The following TOM1 variants were observed in gnomAD, a reference collection of about 807,000 sequenced individuals.
The protein encoded by TOM1 is target of Myb protein 1.
In TOM1, 38 loss-of-function variants were observed where a neutral mutation model predicts 61.3. The observed-to-expected ratio is 0.62, with a 90% CI of 0.48 to 0.81. TOM1 has a LOEUF of 0.81. TOM1 is among the 40% of genes least tolerant of loss of function. The probability of loss-of-function intolerance (pLI) is 0.00; values close to 1 mark genes in which losing one functional copy is unlikely to be tolerated. For synonymous variants in TOM1, 270 were observed against 268.8 expected (o/e 1.00, Z -0.04); for missense variants, 591 against 659.6 (o/e 0.90, Z 1.14).
At chr22:35,335,987 A>C (rs939642522) in intron 11 of TOM1, among the ~76,000 whole-genome samples, 1 of 152,052 alleles carries the variant, frequency 6.6e-6, no homozygotes, top group Non-Finnish European at 1.5e-5. Flanking sequence ...TCACACAGGG[A>C]AGGGGGCAGG....
Position 35,317,922 on chromosome 22 carries a change from A to G in TOM1, c.98A>G (p.Asn33Ser). ...CTGCAGAGCGAGGACTGGGCCCTCAACATGGAGATCTGCGACATCATCAAC... is the reference window on the plus strand; with the variant it reads ...CTGCAGAGCGAGGACTGGGCCCTCAGCATGGAGATCTGCGACATCATCAAC... ...GSLQSEDWAL[N>S]MEICDIINET... The change falls in exon 2 of 15, where the codon AAC (asparagine) becomes AGC (serine). Residue 33 changes from asparagine (N) to serine (S), a missense_variant. Coordinates refer to ENST00000449058, the MANE Select transcript of TOM1 (RefSeq NM_005488.3). 6.2e-7 allele frequency: 1 copy of G among 1,614,162 alleles called. No homozygotes were observed. Among genetic ancestry groups the G allele is most frequent in the African/African-American group, 1.3e-5 (1 of 75,040 alleles).
intron 3 of TOM1, chr22:35,322,365 A>G (rs1397138971): frequency 6.3e-6 from 2 of 316,712 alleles, no homozygotes; most frequent in Non-Finnish European, 1.2e-5. Flanking sequence ...AGGCCGGCTG[A>G]CTGAGTTGGG....
chr22:35,333,523 C>G (rs1434117891), intron 10 of TOM1, 26 bp downstream of exon 10: 1 of 1,607,648 alleles, frequency 6.2e-7, no homozygotes. Context: ...AGGGCTCCAG[C>G]TGAGGGTACA....
intron 1 of TOM1, among the ~76,000 whole-genome samples, chr22:35,316,930 T>C (rs1298541214): frequency 6.6e-6 from 1 of 152,068 alleles, no homozygotes; most frequent in African/African-American, 2.4e-5. Flanking sequence ...GCTGGGTGGC[T>C]CGGCATCGGT....
Position 35,323,038 on chromosome 22 carries a change from C to G in TOM1, c.227C>G (p.Thr76Ser). ...CTCTCGGCCCTCCAGGTCTTAGAAA[C>G]CTGTGTCAAGAACTGCGGGCACCGC... ...EVMLALTVLE[T>S]CVKNCGHRFH... The change falls in exon 4 of 15, where the codon ACC (threonine) becomes AGC (serine). Residue 76 changes from threonine to serine, a missense_variant. Coordinates refer to ENST00000449058, the MANE Select transcript of TOM1 (RefSeq NM_005488.3). The surrounding 1 kb of genome is among the most constrained non-coding windows in gnomAD (Gnocchi z 4.2). 2 of 1,614,082 alleles carry G rather than the reference C, an allele frequency of 1.2e-6. No individual in the cohort carries two copies. Among genetic ancestry groups the G allele is most frequent in the Non-Finnish European group, 1.7e-6 (2 of 1,180,032 alleles).
chr22:35,335,868 G>A (rs1929273295), intron 11 of TOM1: 1 of 154,480 alleles, frequency 6.5e-6, no homozygotes, highest in Non-Finnish European at 1.5e-5. Context: ...CCAGGTGCTG[G>A]GTGATAGGAA....
At chr22:35,326,781 G>C (rs1392991331) in intron 6 of TOM1, among the ~76,000 whole-genome samples, 2 of 151,834 alleles carry the variant, frequency 1.3e-5, no homozygotes, top group African/African-American at 4.8e-5. Flanking sequence ...TCTAGGAGGA[G>C]AGAGGGTGGG....
chr22:35,323,537 T>C lies in TOM1; in HGVS notation c.408T>C (p.Gly136=), dbSNP rs1453164668. 6.2e-7 allele frequency: 1 copy of C among 1,614,060 alleles called. No individual in the cohort carries two copies. The highest frequency in any genetic ancestry group is 8.5e-7 in the Non-Finnish European group (1 of 1,180,004). The change falls in exon 5 of 15, where the codon GGT becomes GGC. Residue 136 remains glycine (G), a synonymous_variant. Coordinates refer to ENST00000449058, the MANE Select transcript of TOM1 (RefSeq NM_005488.3). This position sits in a 1 kb window ranked among gnomAD's most constrained non-coding sequence, Gnocchi z 4.2. ...TCCGCAGCTCGCCCGATCTGACAGG[T>C]GTGGTCACCATCTATGAGGACCTGC... is the stretch of plus-strand genomic sequence containing the variant. ...DAFRSSPDLT[G]VVTIYEDLRR... is the part of the protein sequence containing the mutation.
At chr22:35,340,127 G>T (rs942646214) in intron 12 of TOM1, among the ~76,000 whole-genome samples, 1 of 152,210 alleles carries the variant, frequency 6.6e-6, no homozygotes, top group Admixed American at 6.5e-5. Context: ...GAGAATTTCT[G>T]CTCCAGCAAG....
At chr22:35,300,067 G>C (rs1284141736) in intron 1 of TOM1, 87 bp downstream of exon 1, 4 of 1,455,506 alleles carry the variant, frequency 2.7e-6, no homozygotes, top group Middle Eastern at 1.9e-4. Context: ...GCCTAGTCAC[G>C]GAGGCAGGGA....
intron 12 of TOM1, among the ~76,000 whole-genome samples, chr22:35,339,812 G>T (rs1929720723): frequency 6.6e-6 from 1 of 151,718 alleles, no homozygotes; most frequent in African/African-American, 2.4e-5. Context: ...GCTGAGGCAG[G>T]AGAATGGCGT....
intron 8 of TOM1, chr22:35,331,370 C>T (rs1250212284): frequency 1.1e-5 from 5 of 454,352 alleles, no homozygotes; most frequent in Non-Finnish European, 1.8e-5. Context: ...CCTTGGCCTC[C>T]GAAAGCATTG....
chr22:35,301,088 G>A (rs1925732867), intron 1 of TOM1, among the ~76,000 whole-genome samples: 1 of 151,528 alleles, frequency 6.6e-6, no homozygotes, highest in East Asian at 1.9e-4. Context: ...TTAGCCGGGC[G>A]TGGTGGTGCG....
rs533312585 is a variant in TOM1 at position 35,345,728 on chromosome 22, C to G, written c.1228C>G (p.Pro410Ala). The G allele has an allele frequency of 6.2e-7, 1 of 1,614,136 alleles. No individual in the cohort carries two copies. Among genetic ancestry groups the G allele is most frequent in the South Asian group, 1.1e-5 (1 of 91,082 alleles). The change falls in exon 13 of 15, where the codon CCA becomes GCA. Residue 410 changes from proline (P) to alanine (A), a missense_variant. Physicochemically the swap from Pro to Ala is conservative, Grantham distance 27 (BLOSUM62 -1). Coordinates refer to ENST00000449058, the MANE Select transcript of TOM1 (RefSeq NM_005488.3). The stretch of plus-strand genomic sequence containing the variant: ...TACCCTCTGCCCTTCCTTCCAGATC[C>G]CAGTCACCCAGGCCTGCCTCATGGA... ...DARQQSTGAI[P>A]VTQACLMEDI...
In TOM1 at chr22:35,347,537, T is replaced by C; in HGVS notation, c.*328T>C. 4.2e-6 allele frequency: 1 copy of C among 240,140 alleles called. No homozygotes were observed. Among genetic ancestry groups the C allele is most frequent in the Non-Finnish European group, 8.0e-6 (1 of 124,428 alleles). The allele number at this position is 240,140 out of a possible 1,614,324, so 14.9% of individuals were successfully genotyped here. ...TTGACCCAGTGTGACTCTCCTTCAC[T>C]GAGTGATACCCTGCTCCGGGCCCAT... is the stretch of plus-strand genomic sequence containing the variant. On this transcript the variant is annotated 3_prime_UTR_variant, in exon 15 of 15. Transcript: ENST00000449058.
intron 1 of TOM1, among the ~76,000 whole-genome samples, chr22:35,309,052 T>C (rs1345095972): frequency 1.3e-5 from 2 of 152,224 alleles, no homozygotes; most frequent in Non-Finnish European, 2.9e-5. Flanking sequence ...AAATAGCTTC[T>C]GCATATTTGT....
rs773071776 is a variant in TOM1 at position 35,338,765 on chromosome 22, G to A, written c.1201G>A (p.Ala401Thr). The change falls in exon 12 of 15, where the codon GCC becomes ACC. Residue 401 changes from alanine (A) to threonine (T), a missense_variant. Ala to Thr is a moderately conservative substitution (Grantham distance 58). Coordinates refer to ENST00000449058, the MANE Select transcript of TOM1 (RefSeq NM_005488.3). The stretch of plus-strand genomic sequence containing the variant: ...AGACGGCCTGGCTGGAGCCCTGGAC[G>A]CCCGGCAGCAGAGCACTGGCGCGGT... ...ATDGLAGALD[A>T]RQQSTGAIPV... is the part of the protein sequence containing the mutation. 11 of 1,601,132 alleles carry A rather than the reference G, an allele frequency of 6.9e-6. No individual in the cohort carries two copies. Among genetic ancestry groups the A allele is most frequent in the African/African-American group, 5.4e-5 (4 of 74,602 alleles).
chr22:35,325,806 T>C (rs190741247), intron 6 of TOM1, among the ~76,000 whole-genome samples: 31 of 152,356 alleles, frequency 2.0e-4, no homozygotes, highest in Non-Finnish European at 3.5e-4. Flanking sequence ...AAAACTAATC[T>C]TTGTTTAATT....
chr22:35,311,417 G>T (rs1035619471), intron 1 of TOM1, among the ~76,000 whole-genome samples: 2 of 152,248 alleles, frequency 1.3e-5, no homozygotes, highest in African/African-American at 4.8e-5. Flanking sequence ...GGGTTTGACA[G>T]CTCCACGATG....
Sources: allele counts gnomAD v4.1 joint callset (sites outside exome capture counted in the v4.1 genomes callset), GRCh38; gene constraint gnomAD v4.1.1; non-coding constraint Gnocchi (gnomAD v3.1); transcripts MANE v1.5; gene names NCBI Gene and HGNC (gene_info 2026-07-23, HGNC 2026-07-21).